GINM1: variants seen among roughly 807,000 people sequenced by gnomAD.
The protein encoded by GINM1 is glycoprotein integral membrane protein 1.
GINM1 carries 29 observed loss-of-function variants against 37.8 expected under a neutral mutation model. The observed-to-expected ratio is 0.77, with a 90% confidence interval of 0.57 to 1.05. The LOEUF (loss-of-function observed/expected upper bound fraction) is 1.05. GINM1 is among the 50% of genes least tolerant of loss of function. The pLI is 0.00. For missense variants in GINM1, 377 were observed against 397.9 expected (o/e 0.95, Z 0.45); for synonymous variants, 143 against 146.2 (o/e 0.98, Z 0.16).
At chr6:149,579,721 C>G in intron 4 of GINM1, 113 bp from the exon 5 acceptor site, 1 of 543,338 alleles carries the variant, frequency 1.8e-6, no homozygotes, top group Non-Finnish European at 3.1e-6. Context: ...GAGTAATTGT[C>G]TGAATAGGAC....
At chr6:149,589,706 T>C (rs758577262) in intron 7 of GINM1, among the ~76,000 whole-genome samples, 131 of 152,376 alleles carry the variant, frequency 8.6e-4, no homozygotes, top group Admixed American at 1.6e-3. Flanking sequence ...TAAACTAAAT[T>C]TCCATATATG....
Position 149,590,897 on chromosome 6 carries a change from A to C in GINM1, c.*59A>C. The C allele has an allele frequency of 7.8e-6, 6 of 766,464 alleles. 1 individual carries two copies. In the South Asian group the frequency reaches 9.2e-5, roughly 12 times the overall value. The allele number at this position is 766,464 out of a possible 1,614,324, so 47.5% of individuals were successfully genotyped here. A position where few individuals can be genotyped will look rare whatever the true frequency, so the allele number is the denominator to read the frequency against. The stretch of plus-strand genomic sequence containing the variant: ...CTGTTGCCTCCAAATTTGCCACTTG[A>C]ATATAATTTTCTTTAAATCGTTAAG... On this transcript the variant is annotated 3_prime_UTR_variant, in exon 8 of 8. Coordinates refer to ENST00000367419, the MANE Select transcript of GINM1 (RefSeq NM_138785.5).
intron 3 of GINM1, among the ~76,000 whole-genome samples, chr6:149,578,370 C>CA (rs1777947028): frequency 1.3e-5 from 2 of 151,464 alleles, no homozygotes; most frequent in African/African-American, 2.4e-5. Context: ...GCTAAAAATA[C>CA]AAAAAAACAG....
intron 7 of GINM1, among the ~76,000 whole-genome samples, chr6:149,589,786 T>G (rs1013135228): frequency 2.6e-5 from 4 of 152,108 alleles, no homozygotes; most frequent in Non-Finnish European, 5.9e-5. Context: ...TAGCACAGTT[T>G]TAATTACTCT....
At chr6:149,567,173 A>C (rs890709038) in intron 1 of GINM1, among the ~76,000 whole-genome samples, 2 of 152,208 alleles carry the variant, frequency 1.3e-5, no homozygotes, top group Admixed American at 6.5e-5. Flanking sequence ...TCCGGGTTGG[A>C]GAGTCCTGCA....
intron 7 of GINM1, among the ~76,000 whole-genome samples, chr6:149,587,727 C>T (rs1778094188): frequency 1.3e-5 from 2 of 152,132 alleles, no homozygotes; most frequent in Admixed American, 6.5e-5. Context: ...GGTTCTTTTG[C>T]AGGTTTCATC....
At chr6:149,571,823 C>T (rs992847563) in intron 1 of GINM1, among the ~76,000 whole-genome samples, 10 of 152,236 alleles carry the variant, frequency 6.6e-5, no homozygotes, top group African/African-American at 2.4e-4. Context: ...TGACTCACGC[C>T]TGTAATTCCA....
chr6:149,576,718 C>T (rs1777919906), intron 3 of GINM1, among the ~76,000 whole-genome samples: 1 of 152,134 alleles, frequency 6.6e-6, no homozygotes, highest in African/African-American at 2.4e-5. Flanking sequence ...AGGCAAGGGT[C>T]ATTGAGGGGC....
chr6:149,581,308 G>A (rs913437935), intron 6 of GINM1, among the ~76,000 whole-genome samples: 1 of 152,048 alleles, frequency 6.6e-6, no homozygotes, highest in South Asian at 2.1e-4. Flanking sequence ...ACAGGCACAC[G>A]CTACCACGCC....
chr6:149,572,662 G>T (rs1777847845), intron 3 of GINM1, 59 bp downstream of exon 3: 7 of 1,064,386 alleles, frequency 6.6e-6, no homozygotes, highest in Non-Finnish European at 1.0e-5. Flanking sequence ...TGTTGTTGTT[G>T]TTGTTGTTGT....
At chr6:149,582,380 T>A in intron 6 of GINM1, 60 bp from the exon 7 acceptor site, 1 of 1,419,616 alleles carries the variant, frequency 7.0e-7, no homozygotes, top group Non-Finnish European at 9.7e-7. Context: ...ATTAAAAAAT[T>A]TAAAGTTTAT....
chr6:149,589,055 C>T (rs939954189), intron 7 of GINM1, among the ~76,000 whole-genome samples: 3 of 151,970 alleles, frequency 2.0e-5, no homozygotes, highest in Admixed American at 1.3e-4. Context: ...CCACCCGTCT[C>T]GGCCTCCCAA....
intron 7 of GINM1, among the ~76,000 whole-genome samples, chr6:149,585,747 C>A (rs890393854): frequency 1.3e-5 from 2 of 152,202 alleles, no homozygotes; most frequent in South Asian, 4.1e-4. Flanking sequence ...CACCCACCAC[C>A]ACGCCCAGCT....
chr6:149,591,629 A>C lies in GINM1; in HGVS notation c.*791A>C, dbSNP rs929137061. The C allele has an allele frequency of 3.9e-5, 6 of 152,072 alleles. No homozygotes were observed. Among genetic ancestry groups the C allele is most frequent in the African/African-American group, 1.4e-4 (6 of 41,424 alleles). The allele number at this position is 152,072 out of a possible 1,614,324, so 9.4% of individuals were successfully genotyped here. On this transcript the variant is annotated 3_prime_UTR_variant, in exon 8 of 8. Transcript: ENST00000367419. ...ACTCAGTATAAAATCACTGAAGTGT[A>C]TCATGATTTGATTGTATCCTGTACC...
Position 149,591,546 on chromosome 6 carries a change from CAAG to C in GINM1, c.*711_*713del, listed in dbSNP as rs1432003296. ...TTTATAAAATTCTAATTTAAAAGGTCAAGAACTTAACACTTATTTTTTTATTCA... is the reference window on the plus strand; with the variant it reads ...TTTATAAAATTCTAATTTAAAAGGTCAACTTAACACTTATTTTTTTATTCA... On this transcript the variant is annotated 3_prime_UTR_variant, in exon 8 of 8. Coordinates refer to ENST00000367419, the MANE Select transcript of GINM1 (RefSeq NM_138785.5). The C allele has an allele frequency of 6.6e-6, 1 of 151,936 alleles. No homozygotes were observed. The highest frequency in any genetic ancestry group is 2.4e-5 in the African/African-American group (1 of 41,354). The allele number at this position is 151,936 out of a possible 1,614,324, so 9.4% of individuals were successfully genotyped here. A position where few individuals can be genotyped will look rare whatever the true frequency, so the allele number is the denominator to read the frequency against.
At chr6:149,582,700 A>G (rs1778020554) in intron 7 of GINM1, 97 bp downstream of exon 7, 2 of 875,122 alleles carry the variant, frequency 2.3e-6, no homozygotes, top group Non-Finnish European at 1.7e-6. Flanking sequence ...AAAATTAGAA[A>G]GGGTAAGACA....
At chr6:149,577,824 C>G (rs1414054273) in intron 3 of GINM1, among the ~76,000 whole-genome samples, 1 of 152,148 alleles carries the variant, frequency 6.6e-6, no homozygotes, top group East Asian at 1.9e-4. Flanking sequence ...GTTGTTTTAT[C>G]TTTTTCGATA....
intron 1 of GINM1, among the ~76,000 whole-genome samples, chr6:149,571,108 G>T (rs989491867): frequency 5.9e-5 from 9 of 152,134 alleles, no homozygotes; most frequent in African/African-American, 2.2e-4. Flanking sequence ...GAGGTCGGGA[G>T]TTCGCAACCA....
chr6:149,579,042 T>A, intron 4 of GINM1, 69 bp downstream of exon 4: 1 of 945,168 alleles, frequency 1.1e-6, no homozygotes, highest in Non-Finnish European at 1.6e-6. Flanking sequence ...TATGCATGTG[T>A]TCAGTTATTT....
Sources: allele counts gnomAD v4.1 joint callset (sites outside exome capture counted in the v4.1 genomes callset), GRCh38; gene constraint gnomAD v4.1.1; transcripts MANE v1.5; gene names NCBI Gene and HGNC (gene_info 2026-07-23, HGNC 2026-07-21).